The following DACH2 variants were observed in gnomAD, a reference collection of about 807,000 sequenced individuals.
DACH2 encodes the protein dachshund family transcription factor 2, also known as dachshund homolog 2.
A neutral mutation model predicts 35.8 loss-of-function variants in DACH2; 17 were observed. The observed-to-expected ratio is 0.48, with a 90% CI of 0.33 to 0.71. DACH2 has a LOEUF of 0.71. Among genes scored for constraint, DACH2 ranks in the 30% least tolerant of loss-of-function variants. The pLI, the probability that DACH2 is intolerant of heterozygous loss-of-function variation, is 0.02. For synonymous variants in DACH2, 195 were observed against 177.3 expected (o/e 1.10, Z -0.79); for missense variants, 469 against 472.7 (o/e 0.99, Z 0.07).
chrX:86,296,538 G>T (rs1347103790), intron 1 of DACH2, among the ~76,000 whole-genome samples: 1 of 111,040 alleles, frequency 9.0e-6, no homozygotes, highest in African/African-American at 3.3e-5. Flanking sequence ...ATAAATGAAA[G>T]AATTATTGGC....
At position 86,275,309 on chromosome X, in the gene DACH2, A is replaced by C. The variant is rs184040259; in HGVS notation, c.489-101515A>C. On this transcript the variant is annotated intron_variant, in intron 1 of 11. Transcript: ENST00000373125. ...ATGTTCAGATATTTTTCTTTCAAAA[A>C]TGAATTCATGTACAGGGAATTACAT... Among the ~76,000 whole-genome samples, 1,035 of 112,425 alleles carry C rather than the reference A, an allele frequency of 9.2e-3. 12 individuals are homozygous for C. Among genetic ancestry groups the C allele is most frequent in the African/African-American group, 0.031 (965 of 30,989 alleles).
At chrX:86,648,598 T>C (rs773551380) in intron 3 of DACH2, among the ~76,000 whole-genome samples, 22 of 110,835 alleles carry the variant, frequency 2.0e-4, no homozygotes, top group Non-Finnish European at 3.4e-4. Flanking sequence ...GATATTCAGG[T>C]GCTGTACTGA....
At chrX:86,440,270 T>G (rs940275221) in intron 2 of DACH2, among the ~76,000 whole-genome samples, 7 of 111,424 alleles carry the variant, frequency 6.3e-5, no homozygotes, top group Non-Finnish European at 1.3e-4. Context: ...TGAACTTCTA[T>G]CAGTTTTGCC....
At chrX:86,432,974 C>A (rs1459880653) in intron 2 of DACH2, among the ~76,000 whole-genome samples, 1 of 111,242 alleles carries the variant, frequency 9.0e-6, no homozygotes, top group Admixed American at 9.6e-5. Context: ...GACTATGGAC[C>A]CAGACTCTTC....
intron 5 of DACH2, among the ~76,000 whole-genome samples, chrX:86,705,462 A>G (rs7056464): frequency 0.24 from 26,499 of 110,465 alleles, 2,618 homozygotes; most frequent in Admixed American, 0.45. Context: ...GAAAAAAGAT[A>G]TACAAATGAC....
At chrX:86,457,174 A>G (rs1012023209) in intron 2 of DACH2, among the ~76,000 whole-genome samples, 2 of 111,695 alleles carry the variant, frequency 1.8e-5, no homozygotes, top group African/African-American at 6.5e-5. Flanking sequence ...AGGAAGCCCA[A>G]GGCTTATGAA....
chrX:86,640,856 C>A (rs889154652), intron 3 of DACH2, among the ~76,000 whole-genome samples: 1 of 111,868 alleles, frequency 8.9e-6, no homozygotes, highest in Non-Finnish European at 1.9e-5. Context: ...ACTAACATTT[C>A]CCCATCTGAA....
intron 3 of DACH2, among the ~76,000 whole-genome samples, chrX:86,573,682 C>T (rs2039401405): frequency 9.0e-6 from 1 of 111,574 alleles, no homozygotes; most frequent in African/African-American, 3.2e-5. Context: ...CAAGAATAGC[C>T]GTGCTGCCAG....
intron 1 of DACH2, among the ~76,000 whole-genome samples, chrX:86,316,151 G>T (rs915219021): frequency 1.2e-4 from 13 of 109,694 alleles, no homozygotes; most frequent in African/African-American, 4.0e-4. Context: ...TTGCTTATCT[G>T]GGAGGGAGAG....
rs755784270 is a variant in DACH2, at chrX:86,318,980, G to A, written c.489-57844G>A. ...AGAGAGGAAGTTAGATTTTACCCTTGCATTAATTTGCTATTAATGTTAAAC... is the reference window on the plus strand; with the variant it reads ...AGAGAGGAAGTTAGATTTTACCCTTACATTAATTTGCTATTAATGTTAAAC... On this transcript the variant is annotated intron_variant, in intron 1 of 11. Transcript: ENST00000373125. Among the ~76,000 whole-genome samples, 6 of 112,012 alleles carry A rather than the reference G, an allele frequency of 5.4e-5. No homozygotes were observed. In the East Asian group the frequency reaches 8.4e-4, roughly 16 times the overall value.
chrX:86,521,684 T>A (rs1029960710), intron 3 of DACH2, among the ~76,000 whole-genome samples: 1 of 111,755 alleles, frequency 8.9e-6, no homozygotes, highest in Non-Finnish European at 1.9e-5. Context: ...TTGTTAAAGA[T>A]GCAGACAGTT....
At chrX:86,632,932 C>A (rs772757016) in intron 3 of DACH2, among the ~76,000 whole-genome samples, 1 of 109,823 alleles carries the variant, frequency 9.1e-6, no homozygotes, top group Non-Finnish European at 1.9e-5. Flanking sequence ...TAGGATACAG[C>A]AAAGGCACTG....
chrX:86,167,409 T>C (rs1602248660), intron 1 of DACH2, among the ~76,000 whole-genome samples: 1 of 110,641 alleles, frequency 9.0e-6, no homozygotes, highest in East Asian at 2.8e-4. Flanking sequence ...ATGTCTCCTT[T>C]TTTCATTGCT....
intron 1 of DACH2, among the ~76,000 whole-genome samples, chrX:86,172,283 G>A (rs768147075): frequency 5.4e-5 from 6 of 111,585 alleles, no homozygotes; most frequent in Non-Finnish European, 1.1e-4. Flanking sequence ...TAAATAAATG[G>A]CTGATTACAA....
chrX:86,278,287 A>G (rs1261240302), intron 1 of DACH2, among the ~76,000 whole-genome samples: 1 of 111,898 alleles, frequency 8.9e-6, no homozygotes, highest in Non-Finnish European at 1.9e-5. Context: ...CGCATAACCA[A>G]TGCTTCAAAA....
intron 6 of DACH2, among the ~76,000 whole-genome samples, chrX:86,723,975 C>CT (rs1342667694): frequency 9.1e-6 from 1 of 110,107 alleles, no homozygotes; most frequent in Non-Finnish European, 1.9e-5. Context: ...CATGAAATAT[C>CT]TTTTTTTTCA....
At chrX:86,149,200 G>C (rs1173009595) in intron 1 of DACH2, 92 bp downstream of exon 1, 4 of 1,022,909 alleles carry the variant, frequency 3.9e-6, no homozygotes, top group East Asian at 6.5e-5. Flanking sequence ...TGTTTGTAGA[G>C]TGAGTCTTAA....
chrX:86,647,150 A>G (rs12008055), intron 3 of DACH2, among the ~76,000 whole-genome samples: 4,082 of 110,259 alleles, frequency 0.037, 219 homozygotes, highest in African/African-American at 0.13. Flanking sequence ...TAGAACTATC[A>G]TACCATCCAA....
At chrX:86,368,055 T>C (rs1381418806) in intron 1 of DACH2, among the ~76,000 whole-genome samples, 1 of 111,696 alleles carries the variant, frequency 9.0e-6, no homozygotes, top group African/African-American at 3.3e-5. Flanking sequence ...CAGTCTTTGT[T>C]CTTTAAAACC....
Sources: allele counts gnomAD v4.1 joint callset (sites outside exome capture counted in the v4.1 genomes callset), GRCh38; gene constraint gnomAD v4.1.1; transcripts MANE v1.5; gene names NCBI Gene and HGNC (gene_info 2026-07-23, HGNC 2026-07-21).